Variants in MXD1 observed in about 807,000 individuals in gnomAD.
MXD1 encodes MAX dimerization protein 1, also known as MAX-binding protein.
In MXD1, 9 loss-of-function variants were observed where a neutral mutation model predicts 25.7. The observed-to-expected ratio is 0.35, with a 90% CI of 0.21 to 0.61. The LOEUF (loss-of-function observed/expected upper bound fraction) is 0.61. Ranked by LOEUF, MXD1 falls within the 20% of genes least tolerant of loss-of-function variation. The probability of loss-of-function intolerance (pLI) is 0.75; values close to 1 mark genes in which losing one functional copy is unlikely to be tolerated. For synonymous variants in MXD1, 99 were observed against 113.9 expected (o/e 0.87, Z 0.83); for missense variants, 227 against 292.4 (o/e 0.78, Z 1.63).
rs749459333 is a variant in MXD1, at chr2:69,941,085, C to G, written c.*2801C>G. ...AGCCTTTAAGACTTTGACAATTGTA[C>G]GTAAATACAGATGTGTATAAATATA... On this transcript the variant is annotated 3_prime_UTR_variant, in exon 6 of 6. Transcript: ENST00000264444. The G allele has an allele frequency of 6.6e-6, 1 of 151,976 alleles. No homozygotes were observed. The highest frequency in any genetic ancestry group is 1.5e-5 in the Non-Finnish European group (1 of 68,006). The allele number at this position is 151,976 out of a possible 1,614,324, so 9.4% of individuals were successfully genotyped here.
intron 5 of MXD1, 151 bp downstream of exon 5, chr2:69,937,545 G>T (rs1677482533): frequency 2.8e-6 from 2 of 721,018 alleles, no homozygotes; most frequent in African/African-American, 1.8e-5. Flanking sequence ...CCAGTGACAG[G>T]TTCCTTCTCC....
At chr2:69,926,017 T>G (rs1476417444) in intron 3 of MXD1, among the ~76,000 whole-genome samples, 2 of 152,238 alleles carry the variant, frequency 1.3e-5, no homozygotes, top group Admixed American at 6.5e-5. Context: ...TTTTTATGTC[T>G]TTGACTCTGT....
chr2:69,930,102 ATT>A (rs1253748062), intron 3 of MXD1, among the ~76,000 whole-genome samples: 3 of 152,108 alleles, frequency 2.0e-5, no homozygotes, highest in Non-Finnish European at 4.4e-5. Flanking sequence ...GAACATTGAC[ATT>A]TTTTGTTTGG....
intron 3 of MXD1, among the ~76,000 whole-genome samples, chr2:69,933,087 TACTC>T: frequency 6.7e-6 from 1 of 149,438 alleles, no homozygotes; most frequent in South Asian, 2.1e-4. Context: ...TAATCCCAGA[TACTC>T]AGGAGGCTGA....
intron 3 of MXD1, among the ~76,000 whole-genome samples, chr2:69,924,756 A>AC (rs1677138710): frequency 6.6e-6 from 1 of 152,318 alleles, no homozygotes; most frequent in Admixed American, 6.5e-5. Context: ...CTCTCAAAAA[A>AC]AAAAGGAAGA....
chr2:69,916,169 G>A lies in MXD1; in HGVS notation c.122G>A (p.Arg41Lys), dbSNP rs761704585. The change falls in exon 2 of 6, where the codon AGA becomes AAA. Residue 41 changes from arginine (R) to lysine (K), a missense_variant. Physicochemically the swap from Arg to Lys is conservative, Grantham distance 26. Transcript: ENST00000264444. ...ATGTTACCATACAATAACAAGGACA[G>A]AGATGCCTTAAAACGGAGGAACAAA... ...ASMLPYNNKDRDALKRRNKSK... is the reference protein window; with the variant it reads ...ASMLPYNNKDKDALKRRNKSK... The A allele has an allele frequency of 6.2e-6, 10 of 1,613,338 alleles. No homozygotes were observed. The highest frequency in any genetic ancestry group is 2.7e-5 in the African/African-American group (2 of 74,910).
At chr2:69,919,291 A>T (rs1244218820) in intron 2 of MXD1, among the ~76,000 whole-genome samples, 1 of 152,144 alleles carries the variant, frequency 6.6e-6, no homozygotes, top group African/African-American at 2.4e-5. Flanking sequence ...CCTTGTCTAC[A>T]GTTAAAGAGG....
rs1558574964 is a variant in MXD1, at chr2:69,940,377, T to C, written c.*2093T>C. 6.6e-6 allele frequency: 1 copy of C among 152,444 alleles called. No homozygotes were observed. The highest frequency in any genetic ancestry group is 1.5e-5 in the Non-Finnish European group (1 of 68,036). 9.4% of individuals were successfully genotyped at this position (152,444 alleles called of 1,614,324 possible). A position where few individuals can be genotyped will look rare whatever the true frequency, so the allele number is the denominator to read the frequency against. On this transcript the variant is annotated 3_prime_UTR_variant, in exon 6 of 6. Transcript: ENST00000264444. ...CACTAGACCTCTCAAGCATTTTGTT[T>C]CATTGCTACATCCAAGCGCCTCACA...
chr2:69,925,248 ATGTGTG>A (rs59577798), intron 3 of MXD1, among the ~76,000 whole-genome samples: 4 of 149,588 alleles, frequency 2.7e-5, no homozygotes, highest in Non-Finnish European at 6.0e-5. Context: ...AGGGTGGGGT[ATGTGTG>A]TGTGTGTGTG....
intron 3 of MXD1, among the ~76,000 whole-genome samples, chr2:69,928,945 G>A (rs1196243777): frequency 2.0e-5 from 3 of 152,164 alleles, no homozygotes; most frequent in Non-Finnish European, 4.4e-5. Flanking sequence ...CCAGGCTGGA[G>A]TACAGTGGCA....
chr2:69,935,418 C>A lies in MXD1; in HGVS notation c.271C>A (p.Arg91=). Reference sequence around the variant, plus strand: ...GGTGCCACTTGGACCCGAATCAAGTCGACACACTACGTTGAGTTTATTAAC... The same window carrying A: ...GGTGCCACTTGGACCCGAATCAAGTAGACACACTACGTTGAGTTTATTAAC... The part of the protein sequence containing the change: ...GLVPLGPESS[R]HTTLSLLTKA... The change falls in exon 4 of 6, where the codon CGA becomes AGA. Residue 91 remains arginine (R), a synonymous_variant. Coordinates refer to ENST00000264444, the MANE Select transcript of MXD1 (RefSeq NM_002357.4). 1 of 1,613,968 alleles carries A rather than the reference C, an allele frequency of 6.2e-7. No homozygotes were observed. The highest frequency in any genetic ancestry group is 8.5e-7 in the Non-Finnish European group (1 of 1,179,952).
chr2:69,935,412 T>C lies in MXD1; in HGVS notation c.265T>C (p.Ser89Pro). ...GGGGCTGGTGCCACTTGGACCCGAA[T>C]CAAGTCGACACACTACGTTGAGTTT... ...LKGLVPLGPE[S>P]SRHTTLSLLT... Residue 89 changes from serine (S) to proline (P), a missense_variant, in exon 4 of 6, where the codon TCA (serine) becomes CCA (proline). Transcript: ENST00000264444. 1 of 1,614,138 alleles carries C rather than the reference T, an allele frequency of 6.2e-7. No homozygotes were observed. The highest frequency in any genetic ancestry group is 8.5e-7 in the Non-Finnish European group (1 of 1,179,996).
chr2:69,934,474 C>T (rs180973955), intron 3 of MXD1, among the ~76,000 whole-genome samples: 2 of 152,252 alleles, frequency 1.3e-5, no homozygotes, highest in Admixed American at 1.3e-4. Flanking sequence ...TCTCCCACTC[C>T]GTGCCATTGC....
Position 69,915,291 on chromosome 2 carries a change from C to A in MXD1, c.-40C>A. 2 of 1,302,592 alleles carry A rather than the reference C, an allele frequency of 1.5e-6. No individual in the cohort carries two copies. 80.7% of individuals were successfully genotyped at this position (1,302,592 alleles called of 1,614,324 possible). A position where few individuals can be genotyped will look rare whatever the true frequency, so the allele number is the denominator to read the frequency against. On this transcript the variant is annotated 5_prime_UTR_variant, in exon 1 of 6. Coordinates refer to ENST00000264444, the MANE Select transcript of MXD1 (RefSeq NM_002357.4). The surrounding 1 kb of genome is among the most constrained non-coding windows in gnomAD (Gnocchi z 5.8). ...CCGGCGGCGGCAGCGAGCCCGTGGG[C>A]AGTGGGGGTTGGTCCCGTGGCTCCG... is the stretch of plus-strand genomic sequence containing the variant.
rs1405587414 is a variant in MXD1, at chr2:69,939,495, A to C, written c.*1211A>C. The C allele has an allele frequency of 6.5e-6, 1 of 152,680 alleles. No individual in the cohort carries two copies. The highest frequency in any genetic ancestry group is 1.5e-5 in the Non-Finnish European group (1 of 68,040). 9.5% of individuals were successfully genotyped at this position (152,680 alleles called of 1,614,324 possible). A position where few individuals can be genotyped will look rare whatever the true frequency, so the allele number is the denominator to read the frequency against. Reference sequence around the variant, plus strand: ...AACAGAGCACATGTATATGTACATAAGACACATTAAATCTATAAATACTAT... The same window carrying C: ...AACAGAGCACATGTATATGTACATACGACACATTAAATCTATAAATACTAT... On this transcript the variant is annotated 3_prime_UTR_variant, in exon 6 of 6. Coordinates refer to ENST00000264444, the MANE Select transcript of MXD1 (RefSeq NM_002357.4).
intron 3 of MXD1, among the ~76,000 whole-genome samples, chr2:69,928,958 A>G (rs1000417667): frequency 1.3e-5 from 2 of 152,176 alleles, no homozygotes; most frequent in African/African-American, 2.4e-5. Context: ...CAGTGGCACA[A>G]TCTTGGCTCA....
chr2:69,940,065 C>T lies in MXD1; in HGVS notation c.*1781C>T, dbSNP rs12475412. On this transcript the variant is annotated 3_prime_UTR_variant, in exon 6 of 6. Transcript: ENST00000264444. ...GGATTCCTAAATGATTCCAAAGTCA[C>T]CTGTAATTCTTCTGTTTTTGTTTTG... 0.59 allele frequency: 86,532 copies of T among 146,682 alleles called. 27,677 individuals are homozygous for T. The highest frequency in any genetic ancestry group is 0.86 in the African/African-American group (34,564 of 40,312). 9.1% of individuals were successfully genotyped at this position (146,682 alleles called of 1,614,324 possible).
rs1284554900 is a variant in MXD1 at position 69,938,172 on chromosome 2, ACT to A, written c.557_558del (p.Ser186Ter). The A allele has an allele frequency of 7.4e-6, 12 of 1,613,968 alleles. No individual in the cohort carries two copies. The highest frequency in any genetic ancestry group is 1.7e-5 in the Admixed American group (1 of 60,008). Reference sequence around the variant, plus strand: ...GACTGGAGCAGCAGCAGTGTGAGCGACTCTGACGAGCGGGGCAGCATGCAGAG... The same window carrying A: ...GACTGGAGCAGCAGCAGTGTGAGCGACTGACGAGCGGGGCAGCATGCAGAG... On this transcript the variant is annotated frameshift_variant, in exon 6 of 6. Transcript: ENST00000264444. LOFTEE classifies it high-confidence loss of function.
At chr2:69,937,975 A>G (rs1264582673) in intron 5 of MXD1, 122 bp from the exon 6 acceptor site, 3 of 871,132 alleles carry the variant, frequency 3.4e-6, no homozygotes, top group Non-Finnish European at 5.3e-6. Context: ...TCAAACTCCT[A>G]ACCTCAAGTG....
Sources: gnomAD v4.1 joint callset for allele counts (sites outside exome capture counted in the v4.1 genomes callset) on GRCh38, gnomAD v4.1.1 for gene constraint, Gnocchi (gnomAD v3.1) non-coding constraint, MANE v1.5 for transcripts, NCBI Gene and HGNC (gene_info 2026-07-23, HGNC 2026-07-21) for gene names.